The following DMRT1 variants were observed in gnomAD, a reference collection of about 807,000 sequenced individuals.
DMRT1 encodes the protein doublesex- and mab-3-related transcription factor 1.
In DMRT1, 7 loss-of-function variants were observed where a neutral mutation model predicts 32.3. That is an observed-to-expected ratio of 0.22 (90% CI 0.12 to 0.41). The LOEUF is 0.41. Ranked by LOEUF, DMRT1 falls within the 10% of genes least tolerant of loss-of-function variation. The probability of loss-of-function intolerance (pLI) is 1.00; values close to 1 mark genes in which losing one functional copy is unlikely to be tolerated. For missense variants in DMRT1, 625 were observed against 500.5 expected (o/e 1.25, Z -2.37); for synonymous variants, 278 against 206.1 (o/e 1.35, Z -2.99).
intron 4 of DMRT1, among the ~76,000 whole-genome samples, chr9:946,458 GA>G: frequency 6.6e-6 from 1 of 152,154 alleles, no homozygotes; most frequent in East Asian, 1.9e-4. Flanking sequence ...CAGGTAACTG[GA>G]CCATTTCATC....
intron 1 of DMRT1, among the ~76,000 whole-genome samples, chr9:845,000 G>A (rs1322880910): frequency 6.6e-6 from 1 of 152,050 alleles, no homozygotes; most frequent in Non-Finnish European, 1.5e-5. Context: ...GGGATTACAG[G>A]CGTGAGCCAC....
chr9:907,110 G>A (rs138037388), intron 3 of DMRT1, among the ~76,000 whole-genome samples: 3 of 152,218 alleles, frequency 2.0e-5, no homozygotes, highest in East Asian at 1.9e-4. Context: ...ACCCCCATCC[G>A]TACAAACACA....
At chr9:870,601 G>C (rs1038454767) in intron 2 of DMRT1, among the ~76,000 whole-genome samples, 2 of 151,046 alleles carry the variant, frequency 1.3e-5, no homozygotes, top group African/African-American at 4.9e-5. Flanking sequence ...TTTTTAGTCT[G>C]TCACTTTTCT....
At chr9:904,601 G>C (rs1445674833) in intron 3 of DMRT1, among the ~76,000 whole-genome samples, 2 of 152,200 alleles carry the variant, frequency 1.3e-5, no homozygotes, top group Non-Finnish European at 2.9e-5. Context: ...CACTGTGCTA[G>C]AGACTCTCAA....
chr9:865,658 T>G (rs4347037), intron 2 of DMRT1, among the ~76,000 whole-genome samples: 79,807 of 151,808 alleles, frequency 0.53, 21,514 homozygotes, highest in African/African-American at 0.63. Flanking sequence ...AAGAATTACA[T>G]CTTTGGGTGA....
In DMRT1 at chr9:841,739, C is replaced by G; in HGVS notation, c.-100C>G. 1 of 1,546,698 alleles carries G rather than the reference C, an allele frequency of 6.5e-7. No homozygotes were observed. Among genetic ancestry groups the G allele is most frequent in the Non-Finnish European group, 8.7e-7 (1 of 1,146,764 alleles). ...GGCTGCAGCGCACACGTCTCCTGCG[C>G]CTCCTCCTCCGGAGCGTCGCTGTCC... On this transcript the variant is annotated 5_prime_UTR_variant, in exon 1 of 5. Coordinates refer to ENST00000382276, the MANE Select transcript of DMRT1 (RefSeq NM_021951.3).
intron 4 of DMRT1, among the ~76,000 whole-genome samples, chr9:925,764 A>G (rs981266799): frequency 6.6e-6 from 1 of 152,168 alleles, no homozygotes; most frequent in Non-Finnish European, 1.5e-5. Context: ...GGATAATGCT[A>G]TTATCCCCAT....
At chr9:948,118 A>G (rs2129941149) in intron 4 of DMRT1, among the ~76,000 whole-genome samples, 1 of 152,272 alleles carries the variant, frequency 6.6e-6, no homozygotes, top group African/African-American at 2.4e-5. Context: ...ATGGATTTGC[A>G]CAGAATGTGG....
At chr9:899,299 A>G (rs780096726) in intron 3 of DMRT1, among the ~76,000 whole-genome samples, 3 of 152,202 alleles carry the variant, frequency 2.0e-5, no homozygotes, top group African/African-American at 7.2e-5. Context: ...GCTAGAAGGA[A>G]TTCTTAGAGA....
At chr9:962,661 G>A (rs1819813215) in intron 4 of DMRT1, among the ~76,000 whole-genome samples, 1 of 152,144 alleles carries the variant, frequency 6.6e-6, no homozygotes. Flanking sequence ...CTGGCCGTGA[G>A]CTAATTTTGC....
intron 2 of DMRT1, among the ~76,000 whole-genome samples, chr9:859,721 A>G (rs182359230): frequency 4.1e-4 from 63 of 152,334 alleles, no homozygotes; most frequent in African/African-American, 1.5e-3. Context: ...ATCTGGTCTC[A>G]TTGTACAATA....
chr9:862,151 G>A (rs1238303038), intron 2 of DMRT1, among the ~76,000 whole-genome samples: 1 of 150,556 alleles, frequency 6.6e-6, no homozygotes, highest in Non-Finnish European at 1.5e-5. Context: ...CAAGGCAGGC[G>A]GCTGGGAGGT....
chr9:966,309 C>T (rs779416289), intron 4 of DMRT1, among the ~76,000 whole-genome samples: 1 of 151,942 alleles, frequency 6.6e-6, no homozygotes, highest in Non-Finnish European at 1.5e-5. Context: ...CATATGCGTG[C>T]TTTTTTGTTA....
chr9:935,582 G>T (rs7858421), intron 4 of DMRT1, among the ~76,000 whole-genome samples: 2 of 152,356 alleles, frequency 1.3e-5, no homozygotes, highest in South Asian at 4.1e-4. Flanking sequence ...CAGTCTCGCA[G>T]TGCCTTGTAC....
intron 2 of DMRT1, among the ~76,000 whole-genome samples, chr9:858,639 C>A (rs1026036557): frequency 1.1e-4 from 17 of 151,838 alleles, no homozygotes; most frequent in African/African-American, 4.1e-4. Flanking sequence ...TTTGGGAGGC[C>A]GAGGCGGGCA....
At chr9:880,450 G>T (rs1378778807) in intron 2 of DMRT1, among the ~76,000 whole-genome samples, 1 of 151,722 alleles carries the variant, frequency 6.6e-6, no homozygotes, top group Non-Finnish European at 1.5e-5. Flanking sequence ...GCTTGGGCTG[G>T]GCGTGGTGGC....
intron 4 of DMRT1, among the ~76,000 whole-genome samples, chr9:961,247 T>G (rs1819762145): frequency 1.3e-5 from 2 of 152,162 alleles, no homozygotes; most frequent in Admixed American, 1.3e-4. Flanking sequence ...ACCCACACAC[T>G]GGGTAACTCT....
intron 3 of DMRT1, among the ~76,000 whole-genome samples, chr9:913,886 C>T (rs893450515): frequency 2.9e-5 from 2 of 68,822 alleles, no homozygotes; most frequent in African/African-American, 6.1e-5. Context: ...GAGTGAGACT[C>T]GGTCTCAAAC....
intron 2 of DMRT1, among the ~76,000 whole-genome samples, chr9:884,707 A>T (rs1456388133): frequency 6.6e-6 from 1 of 152,198 alleles, no homozygotes; most frequent in East Asian, 1.9e-4. Context: ...GCGGTGGCTC[A>T]CGCCTGTAAT....
Sources: gnomAD v4.1 joint callset for allele counts (sites outside exome capture counted in the v4.1 genomes callset) on GRCh38, gnomAD v4.1.1 for gene constraint, MANE v1.5 for transcripts, NCBI Gene and HGNC (gene_info 2026-07-23, HGNC 2026-07-21) for gene names.